Variants in AKAP6 observed in about 807,000 individuals in gnomAD.
AKAP6 encodes the protein A-kinase anchoring protein 6.
A neutral mutation model predicts 188.5 loss-of-function variants in AKAP6; 58 were observed. That is an observed-to-expected ratio of 0.31 (90% CI 0.25 to 0.38). The LOEUF is 0.38. AKAP6 is among the 10% of genes least tolerant of loss of function. AKAP6 has a pLI of 1.00. For synonymous variants in AKAP6, 989 were observed against 998.6 expected, an observed-to-expected ratio of 0.99 and a Z score of 0.18; for missense variants, 2,710 against 2,740.0, an observed-to-expected ratio of 0.99 and a Z score of 0.24.
chr14:32,587,010 T>C (rs911644092), intron 5 of AKAP6, among the ~76,000 whole-genome samples: 9 of 152,284 alleles, frequency 5.9e-5, no homozygotes, highest in Admixed American at 5.9e-4. Context: ...TGCATGAGAG[T>C]GCCTATTTCT....
At chr14:32,773,591 T>G (rs2139992846) in intron 11 of AKAP6, 87 bp from the exon 12 acceptor site, 4 of 1,277,306 alleles carry the variant, frequency 3.1e-6, no homozygotes, top group African/African-American at 3.0e-5. Flanking sequence ...TCACTACAAT[T>G]TGAAATTATG....
At chr14:32,542,996 CAG>C (rs1883031082) in intron 3 of AKAP6, among the ~76,000 whole-genome samples, 1 of 152,174 alleles carries the variant, frequency 6.6e-6, no homozygotes, top group African/African-American at 2.4e-5. Flanking sequence ...ATGATCAAAT[CAG>C]GGAAATTAAC....
At chr14:32,528,794 C>T (rs985618135) in intron 2 of AKAP6, among the ~76,000 whole-genome samples, 5 of 152,126 alleles carry the variant, frequency 3.3e-5, no homozygotes, top group African/African-American at 1.2e-4. Flanking sequence ...TCTCCTGCCT[C>T]AGCTTCCCAA....
chr14:32,728,576 T>C (rs2031008790), intron 9 of AKAP6, among the ~76,000 whole-genome samples: 1 of 152,174 alleles, frequency 6.6e-6, no homozygotes, highest in Admixed American at 6.5e-5. Context: ...TTAAAAGTAA[T>C]ATGGTGTAAG....
At chr14:32,658,428 T>C (rs566195701) in intron 7 of AKAP6, among the ~76,000 whole-genome samples, 2 of 152,254 alleles carry the variant, frequency 1.3e-5, no homozygotes, top group South Asian at 4.1e-4. Context: ...TGTTTTGTGA[T>C]TTACAACCTT....
chr14:32,362,465 T>A (rs559455406), intron 1 of AKAP6, among the ~76,000 whole-genome samples: 1 of 152,130 alleles, frequency 6.6e-6, no homozygotes, highest in African/African-American at 2.4e-5. Flanking sequence ...GAAGGCAACA[T>A]TTGAGCTGGA....
chr14:32,717,778 T>C (rs950245083), intron 9 of AKAP6, among the ~76,000 whole-genome samples: 1 of 152,128 alleles, frequency 6.6e-6, no homozygotes, highest in Non-Finnish European at 1.5e-5. Flanking sequence ...TTTCCACTTG[T>C]ACCCTAGAGC....
chr14:32,475,056 T>C (rs1878987300), intron 2 of AKAP6, among the ~76,000 whole-genome samples: 1 of 152,200 alleles, frequency 6.6e-6, no homozygotes, highest in Admixed American at 6.5e-5. Flanking sequence ...ACATTCCTTA[T>C]ACAAAGGAAT....
intron 4 of AKAP6, among the ~76,000 whole-genome samples, chr14:32,565,405 C>G (rs1444481768): frequency 1.3e-5 from 2 of 152,216 alleles, no homozygotes; most frequent in Non-Finnish European, 2.9e-5. Flanking sequence ...ATCCCAGATT[C>G]TAACATCTTT....
At chr14:32,663,429 A>C (rs770108508) in intron 7 of AKAP6, among the ~76,000 whole-genome samples, 78 of 152,206 alleles carry the variant, frequency 5.1e-4, no homozygotes, top group Non-Finnish European at 9.9e-4. Flanking sequence ...AATCTGGTTC[A>C]TATCATACTC....
chr14:32,752,276 T>C (rs1955504), intron 11 of AKAP6, among the ~76,000 whole-genome samples: 101,506 of 152,080 alleles, frequency 0.67, 36,526 homozygotes, highest in Admixed American at 0.79. Flanking sequence ...GCAAGCAAAG[T>C]AAGTAGCCTA....
At chr14:32,398,844 GTTTTTTTTTTTTTTTTTTT>G (rs773955888) in intron 1 of AKAP6, among the ~76,000 whole-genome samples, 2 of 60,976 alleles carry the variant, frequency 3.3e-5, no homozygotes, top group Admixed American at 3.9e-4. Flanking sequence ...CTTTCTTCCT[GTTTTTTTTTTTTTTTTTTT>G]TTTTTTTTGA....
chr14:32,437,203 T>C (rs567627450), intron 2 of AKAP6, among the ~76,000 whole-genome samples: 2 of 152,226 alleles, frequency 1.3e-5, no homozygotes, highest in East Asian at 3.9e-4. Flanking sequence ...CTCACCAAGC[T>C]ATCAGCCAGA....
chr14:32,524,233 G>A (rs577756610), intron 2 of AKAP6, among the ~76,000 whole-genome samples: 3 of 152,206 alleles, frequency 2.0e-5, no homozygotes, highest in East Asian at 3.9e-4. Context: ...TTATATGCAG[G>A]TACTCTTGTG....
intron 12 of AKAP6, among the ~76,000 whole-genome samples, chr14:32,810,873 T>G (rs1431722908): frequency 6.6e-6 from 1 of 152,150 alleles, no homozygotes; most frequent in African/African-American, 2.4e-5. Flanking sequence ...ATTAATTAGC[T>G]TAAACCCTGG....
intron 10 of AKAP6, chr14:32,733,861 A>G (rs1353506926): frequency 6.6e-6 from 1 of 152,180 alleles, no homozygotes; most frequent in Non-Finnish European, 1.5e-5. Context: ...TACATAGATA[A>G]GAATGGCAAC....
chr14:32,448,052 G>C (rs942479467), intron 2 of AKAP6, among the ~76,000 whole-genome samples: 2 of 152,202 alleles, frequency 1.3e-5, no homozygotes, highest in African/African-American at 4.8e-5. Context: ...ATCTATAAAT[G>C]AGGTAAAGTT....
At chr14:32,790,513 C>T (rs966056550) in intron 12 of AKAP6, among the ~76,000 whole-genome samples, 7 of 152,268 alleles carry the variant, frequency 4.6e-5, no homozygotes, top group Admixed American at 4.6e-4. Flanking sequence ...ATCAGACTAA[C>T]CGTGGACCTC....
At chr14:32,488,955 C>G (rs1008135820) in intron 2 of AKAP6, among the ~76,000 whole-genome samples, 1 of 152,308 alleles carries the variant, frequency 6.6e-6, no homozygotes, top group East Asian at 1.9e-4. Flanking sequence ...TGTTCCTATT[C>G]GGCCATCTTT....
Sources: allele counts gnomAD v4.1 joint callset (sites outside exome capture counted in the v4.1 genomes callset), GRCh38; gene constraint gnomAD v4.1.1; transcripts MANE v1.5; gene names NCBI Gene and HGNC (gene_info 2026-07-23, HGNC 2026-07-21).